CUEDC1: variants seen among roughly 807,000 people sequenced by gnomAD.
The protein encoded by CUEDC1 is CUE domain-containing protein 1.
A neutral mutation model predicts 43.7 loss-of-function variants in CUEDC1; 30 were observed. The observed-to-expected ratio is 0.69, with a 90% CI of 0.51 to 0.93. CUEDC1 has a LOEUF of 0.93. Ranked by LOEUF, CUEDC1 falls within the 40% of genes least tolerant of loss-of-function variation. The pLI is 0.00. For missense variants in CUEDC1, 486 were observed against 549.0 expected (o/e 0.89, Z 1.15); for synonymous variants, 223 against 223.6 (o/e 1.00, Z 0.02).
chr17:57,890,676 T>C (rs2074345875), intron 1 of CUEDC1, among the ~76,000 whole-genome samples: 2 of 152,166 alleles, frequency 1.3e-5, no homozygotes, highest in Non-Finnish European at 2.9e-5. Context: ...CCTCCTCTCC[T>C]AGCATAAGCA....
intron 1 of CUEDC1, among the ~76,000 whole-genome samples, chr17:57,945,707 G>C (rs2074954285): frequency 6.6e-6 from 1 of 152,158 alleles, no homozygotes; most frequent in Non-Finnish European, 1.5e-5. Context: ...TAAGTATTTG[G>C]TAGTAATTAA....
intron 4 of CUEDC1, 149 bp from the exon 5 acceptor site, chr17:57,873,004 G>T: frequency 1.4e-6 from 1 of 725,858 alleles, no homozygotes; most frequent in Non-Finnish European, 2.2e-6. Flanking sequence ...CTGGTTGCGA[G>T]CCAAAATCCA....
Position 57,899,380 on chromosome 17 carries a change from C to T in CUEDC1, c.-315-13501G>A, listed in dbSNP as rs531644092. On this transcript the variant is annotated intron_variant, in intron 1 of 10. Coordinates refer to ENST00000577830, the MANE Select transcript of CUEDC1 (RefSeq NM_001271875.2). ...CAGCTGCCCAGGTCCCCTCTCCTGC[C>T]CATCCACATACCCACGTGCCCACAC... Among the ~76,000 whole-genome samples the T allele has an allele frequency of 1.6e-4, 25 of 152,324 alleles. No homozygotes were observed. The South Asian group carries it at 5.2e-3, about 32-fold the overall frequency.
intron 1 of CUEDC1, among the ~76,000 whole-genome samples, chr17:57,947,429 G>A (rs985496015): frequency 6.6e-6 from 1 of 152,164 alleles, no homozygotes; most frequent in African/African-American, 2.4e-5. Flanking sequence ...TGAGATCCCT[G>A]TAACCATCTT....
Position 57,896,487 on chromosome 17 carries a change from G to GGTGTGT in CUEDC1, c.-315-10614_-315-10609dup, listed in dbSNP as rs1555660568. Among the ~76,000 whole-genome samples the GGTGTGT allele has an allele frequency of 6.9e-3, 893 of 130,350 alleles. 15 individuals are homozygous for GGTGTGT. Among genetic ancestry groups the GGTGTGT allele is most frequent in the South Asian group, 0.022 (89 of 4,024 alleles). 85.5% of individuals were successfully genotyped at this position (130,350 alleles called of 152,430 possible). ...GTCACTCTACTATAGTGCATTATGG[G>GGTGTGT]GTGTGTGTGTGTGTGTGTGTGTGTG... On this transcript the variant is annotated intron_variant, in intron 1 of 10. Coordinates refer to ENST00000577830, the MANE Select transcript of CUEDC1 (RefSeq NM_001271875.2).
chr17:57,866,652 T>A, intron 9 of CUEDC1, 108 bp from the exon 10 acceptor site: 2 of 1,087,524 alleles, frequency 1.8e-6, no homozygotes, highest in Non-Finnish European at 2.8e-6. Context: ...GCCCCCTTCA[T>A]TTGGGACCCA....
chr17:57,876,397 C>G (rs1033640875), intron 3 of CUEDC1, among the ~76,000 whole-genome samples: 11 of 152,176 alleles, frequency 7.2e-5, no homozygotes, highest in African/African-American at 2.7e-4. Context: ...GCCAATGTGG[C>G]CTTCAGGTCA....
intron 1 of CUEDC1, among the ~76,000 whole-genome samples, chr17:57,926,677 A>C (rs2074750324): frequency 1.3e-5 from 2 of 152,234 alleles, no homozygotes; most frequent in Admixed American, 1.3e-4. Flanking sequence ...CAAATTCTAA[A>C]CAAATGGAAA....
intron 1 of CUEDC1, among the ~76,000 whole-genome samples, chr17:57,914,544 C>A (rs1407807412): frequency 6.6e-6 from 1 of 152,130 alleles, no homozygotes; most frequent in Admixed American, 6.5e-5. Flanking sequence ...CCTGTTGCAT[C>A]CATTTGGGAG....
rs567194805 is a variant in CUEDC1, at chr17:57,932,240, C to T, written c.-316+22985G>A. 1.6e-4 allele frequency among the ~76,000 whole-genome samples: 24 copies of T among 146,346 alleles called. No individual in the cohort carries two copies. In the South Asian group the frequency reaches 3.3e-3, roughly 20 times the overall value. On this transcript the variant is annotated intron_variant, in intron 1 of 10. Transcript: ENST00000577830. The stretch of plus-strand genomic sequence containing the variant: ...GAGGTTGCAGTGAGCCGAGATCGCG[C>T]GACAGCACTCCAGCCTGGGCAACAA...
chr17:57,881,528 C>A (rs187103690), intron 2 of CUEDC1, among the ~76,000 whole-genome samples: 6 of 152,350 alleles, frequency 3.9e-5, no homozygotes, highest in African/African-American at 1.4e-4. Flanking sequence ...AGCCCAGGCA[C>A]CCTGTTTCCC....
chr17:57,945,898 G>A (rs954179117), intron 1 of CUEDC1, among the ~76,000 whole-genome samples: 2 of 151,926 alleles, frequency 1.3e-5, no homozygotes, highest in South Asian at 4.2e-4. Context: ...AATGGAGGGC[G>A]CCTGTAATCC....
chr17:57,926,342 A>G (rs1408375957), intron 1 of CUEDC1, among the ~76,000 whole-genome samples: 1 of 152,192 alleles, frequency 6.6e-6, no homozygotes, highest in African/African-American at 2.4e-5. Flanking sequence ...AAAGGTGGGC[A>G]GGAGGAAAGA....
intron 1 of CUEDC1, among the ~76,000 whole-genome samples, chr17:57,934,563 A>ACT (rs1448829971): frequency 2.8e-4 from 34 of 123,544 alleles, no homozygotes; most frequent in African/African-American, 1.2e-3. Context: ...TCTCTCTAAA[A>ACT]AAAAAAAAAA....
At chr17:57,912,731 G>C (rs1033504609) in intron 1 of CUEDC1, among the ~76,000 whole-genome samples, 1 of 152,166 alleles carries the variant, frequency 6.6e-6, no homozygotes, top group African/African-American at 2.4e-5. Flanking sequence ...AGACCACTCA[G>C]GGAAGCTCCA....
Position 57,873,739 on chromosome 17 carries a change from G to C in CUEDC1, c.465-22C>G, listed in dbSNP as rs541707299. 1.9e-6 allele frequency: 3 copies of C among 1,540,594 alleles called. No homozygotes were observed. The East Asian group carries it at 7.3e-5, about 38-fold the overall frequency. On this transcript the variant is annotated intron_variant, in intron 3 of 10. Coordinates refer to ENST00000577830, the MANE Select transcript of CUEDC1 (RefSeq NM_001271875.2). ...GATACTAGGGGATGGCAGGTGACAG[G>C]GAAGAGGAAGTCATTAAGCCCAACC...
chr17:57,904,860 C>T (rs1401576465), intron 1 of CUEDC1, among the ~76,000 whole-genome samples: 6 of 152,160 alleles, frequency 3.9e-5, no homozygotes, highest in African/African-American at 2.4e-5. Context: ...CTGCTCCATC[C>T]GTGCTGGGAC....
chr17:57,879,526 C>T, intron 3 of CUEDC1, 85 bp downstream of exon 3: 1 of 1,468,416 alleles, frequency 6.8e-7, no homozygotes, highest in East Asian at 2.6e-5. Flanking sequence ...AGCAGTCCAG[C>T]CAAGTTTCGT....
intron 1 of CUEDC1, among the ~76,000 whole-genome samples, chr17:57,951,290 A>C (rs2075004614): frequency 6.6e-6 from 1 of 152,088 alleles, no homozygotes; most frequent in Admixed American, 6.5e-5. Context: ...ACTCTTTCTA[A>C]ATATAGGAAA....
Sources: gnomAD v4.1 joint callset for allele counts (sites outside exome capture counted in the v4.1 genomes callset) on GRCh38, gnomAD v4.1.1 for gene constraint, MANE v1.5 for transcripts, NCBI Gene and HGNC (gene_info 2026-07-23, HGNC 2026-07-21) for gene names.